GINS3: variants seen among roughly 807,000 people sequenced by gnomAD.
GINS3 encodes DNA replication complex GINS protein PSF3.
Under a neutral mutation model 20.0 loss-of-function variants are expected in GINS3, and 18 were observed. That is an observed-to-expected ratio of 0.90 (90% CI 0.62 to 1.33). The LOEUF is 1.33. Among genes scored for constraint, GINS3 ranks in the 40% most tolerant of loss-of-function variants. The pLI, the probability that GINS3 is intolerant of heterozygous loss-of-function variation, is 0.00. For synonymous variants in GINS3, 109 were observed against 107.0 expected (o/e 1.02, Z -0.12); for missense variants, 254 against 273.6 (o/e 0.93, Z 0.51).
At chr16:58,398,380 G>A (rs1469352644) in intron 1 of GINS3, among the ~76,000 whole-genome samples, 1 of 152,090 alleles carries the variant, frequency 6.6e-6, no homozygotes, top group Non-Finnish European at 1.5e-5. Context: ...GGTGGAGGCA[G>A]GAGGATCACT....
intron 1 of GINS3, among the ~76,000 whole-genome samples, chr16:58,400,949 G>A (rs1965946019): frequency 6.6e-6 from 1 of 151,772 alleles, no homozygotes; most frequent in Non-Finnish European, 1.5e-5. Flanking sequence ...TGAGTAGCTA[G>A]GATTACAGGC....
intron 1 of GINS3, among the ~76,000 whole-genome samples, chr16:58,397,189 G>A (rs1317865482): frequency 2.0e-5 from 3 of 150,020 alleles, no homozygotes; most frequent in Non-Finnish European, 4.4e-5. Context: ...GCCAGGCAGA[G>A]GGTCTCCTCA....
At chr16:58,395,969 C>T (rs921239875) in intron 1 of GINS3, among the ~76,000 whole-genome samples, 2 of 148,366 alleles carry the variant, frequency 1.3e-5, no homozygotes, top group African/African-American at 2.5e-5. Context: ...GGCTGGCCCC[C>T]CCACCTCCCT....
Position 58,392,748 on chromosome 16 carries a change from G to A in GINS3, c.147G>A (p.Glu49=). The A allele has an allele frequency of 6.2e-7, 1 of 1,613,320 alleles. No homozygotes were observed. The highest frequency in any genetic ancestry group is 1.3e-5 in the African/African-American group (1 of 75,076). ...CTCGCCTTGGCGCTTTCTTCCTGGA[G>A]CGGAGCGCAGGCGCCGAGACTGACA... ...AMPRLGAFFL[E]RSAGAETDNA... Residue 49 remains glutamate, a synonymous_variant, in exon 1 of 3, where the codon GAG becomes GAA. Coordinates refer to ENST00000318129, the MANE Select transcript of GINS3 (RefSeq NM_022770.4).
chr16:58,393,295 G>A (rs1017678117), intron 1 of GINS3, among the ~76,000 whole-genome samples: 1 of 152,154 alleles, frequency 6.6e-6, no homozygotes, highest in Non-Finnish European at 1.5e-5. Context: ...TTGGGTGTGG[G>A]GAGTAAGCTT....
rs958987821 is a variant in GINS3, at chr16:58,404,119, A to G, written c.421-380A>G. On this transcript the variant is annotated intron_variant, in intron 2 of 2. Coordinates refer to ENST00000318129, the MANE Select transcript of GINS3 (RefSeq NM_022770.4). ...AACCTTATTTTAATTTTTCATAATTACTTTTTTATTCTGTTACTGTTAGAA... is the reference window on the plus strand; with the variant it reads ...AACCTTATTTTAATTTTTCATAATTGCTTTTTTATTCTGTTACTGTTAGAA... The G allele has an allele frequency of 2.1e-5, 4 of 191,290 alleles. No homozygotes were observed. The Admixed American group carries it at 2.1e-4, about 10-fold the overall frequency. The allele number at this position is 191,290 out of a possible 1,614,324, so 11.8% of individuals were successfully genotyped here.
At chr16:58,396,915 C>A (rs1291227141) in intron 1 of GINS3, among the ~76,000 whole-genome samples, 1 of 146,892 alleles carries the variant, frequency 6.8e-6, no homozygotes, top group Admixed American at 6.7e-5. Flanking sequence ...CCTTCCCGGA[C>A]GGGGCGGCTG....
At position 58,404,530 on chromosome 16, in the gene GINS3, A is replaced by T. The variant is rs987621253; in HGVS notation, c.452A>T (p.Asp151Val). The change falls in exon 3 of 3, where the codon GAC (aspartate) becomes GTC (valine). Residue 151 changes from aspartate (D) to valine (V), a missense_variant. Asp to Val is a radical substitution (Grantham distance 152, BLOSUM62 -3). Transcript: ENST00000318129. ...ATCGGACGTTTTCGCCGCATCATGG[A>T]CTCCTCACAGAATGCTTACAACGAA... ...TFIGRFRRIMDSSQNAYNEDT... is the reference protein window; with the variant it reads ...TFIGRFRRIMVSSQNAYNEDT... The T allele has an allele frequency of 1.7e-5, 27 of 1,613,740 alleles. No individual in the cohort carries two copies. The highest frequency in any genetic ancestry group is 1.9e-5 in the Non-Finnish European group (23 of 1,179,950).
intron 1 of GINS3, among the ~76,000 whole-genome samples, chr16:58,397,727 G>A (rs1965900184): frequency 3.3e-5 from 5 of 151,884 alleles, no homozygotes; most frequent in African/African-American, 1.2e-4. Context: ...GAATCAGGCA[G>A]GGAGGTTGCA....
In GINS3 at chr16:58,397,998, G is replaced by A. The variant is rs140160636; in HGVS notation, c.187-5100G>A. Among the ~76,000 whole-genome samples the A allele has an allele frequency of 5.0e-3, 756 of 152,130 alleles. 4 individuals carry two copies. Among genetic ancestry groups the A allele is most frequent in the Non-Finnish European group, 8.3e-3 (566 of 68,000 alleles). On this transcript the variant is annotated intron_variant, in intron 1 of 2. Transcript: ENST00000318129. ...TCCCTTTCTTGATTACCCTTGCCAG[G>A]AGTCTATCAATTTTTTTATTCTTTT...
At chr16:58,403,490 T>TACACACACACACACAC (rs112280214) in intron 2 of GINS3, 159 bp downstream of exon 2, 1 of 563,478 alleles carries the variant, frequency 1.8e-6, no homozygotes, top group African/African-American at 2.1e-5. Context: ...TATATTTACA[T>TACACACACACACACAC]ATATACACAC....
At chr16:58,395,746 C>G (rs529460599) in intron 1 of GINS3, among the ~76,000 whole-genome samples, 5 of 152,154 alleles carry the variant, frequency 3.3e-5, no homozygotes, top group African/African-American at 7.2e-5. Context: ...TACACAGACA[C>G]AGCAACCATC....
intron 2 of GINS3, chr16:58,404,051 G>A (rs1427035017): frequency 6.0e-6 from 1 of 165,992 alleles, no homozygotes; most frequent in East Asian, 1.7e-4. Context: ...TACTTTTCCA[G>A]GACAAAACAA....
At position 58,403,345 on chromosome 16, in the gene GINS3, G is replaced by A. The variant is rs1965983269; in HGVS notation, c.420+14G>A. On this transcript the variant is annotated intron_variant, in intron 2 of 2. Transcript: ENST00000318129. ...TCTCTGCTGCAGGCAAGTAATGGGT[G>A]TGAAAACCTGTGGTGCTGCACTTGT... The A allele has an allele frequency of 1.3e-6, 2 of 1,596,224 alleles. No homozygotes were observed. The highest frequency in any genetic ancestry group is 1.8e-4 in the Middle Eastern group (1 of 5,462).
chr16:58,402,101 C>G (rs1004550147), intron 1 of GINS3, among the ~76,000 whole-genome samples: 1 of 152,196 alleles, frequency 6.6e-6, no homozygotes, highest in South Asian at 2.1e-4. Context: ...ATACTTTAGT[C>G]TGGTTATTTT....
At chr16:58,395,336 TA>T (rs201941916) in intron 1 of GINS3, 3,557 of 169,476 alleles carry the variant, frequency 0.021, 74 homozygotes, top group African/African-American at 0.055. Context: ...TATATATATA[TA>T]TTTTTTTTTT....
At chr16:58,403,567 C>A in intron 2 of GINS3, 2 of 494,278 alleles carry the variant, frequency 4.0e-6, no homozygotes, top group East Asian at 3.6e-5. Context: ...TTGCTTGCTA[C>A]AAGTTGAGGC....
At chr16:58,402,943 A>G (rs1012188185) in intron 1 of GINS3, 155 bp from the exon 2 acceptor site, 2 of 617,290 alleles carry the variant, frequency 3.2e-6, no homozygotes, top group South Asian at 2.0e-5. Flanking sequence ...CACACACTTC[A>G]TTGCTTCGAG....
chr16:58,395,065 C>T, intron 1 of GINS3: 1 of 542,614 alleles, frequency 1.8e-6, no homozygotes, highest in East Asian at 3.3e-5. Flanking sequence ...AAACTTTGAC[C>T]ATTTTATCTA....
Sources: allele counts gnomAD v4.1 joint callset (sites outside exome capture counted in the v4.1 genomes callset), GRCh38; gene constraint gnomAD v4.1.1; transcripts MANE v1.5; gene names NCBI Gene and HGNC (gene_info 2026-07-23, HGNC 2026-07-21).